PAX1: variants seen among roughly 807,000 people sequenced by gnomAD.
The protein encoded by PAX1 is paired box 1.
A neutral mutation model predicts 35.6 loss-of-function variants in PAX1; 18 were observed. The ratio of observed to expected loss-of-function variants is 0.50; its 90% confidence interval spans 0.35 to 0.75. PAX1 has a LOEUF of 0.75. Among genes scored for constraint, PAX1 ranks in the 30% least tolerant of loss-of-function variants. PAX1 has a pLI of 0.01. For synonymous variants in PAX1, 397 were observed against 305.2 expected (o/e 1.30, Z -3.14); for missense variants, 760 against 661.5 (o/e 1.15, Z -1.63).
rs779633330 is a variant in PAX1, at chr20:21,706,763, C to T, written c.612C>T (p.Gly204=). ...WEIRDRLLAD[G]VCDKYNVPSV... ...TCCGCGACCGGCTGCTGGCCGACGGCGTCTGTGACAAGTACAATGTGCCTT... is the reference window on the plus strand; with the variant it reads ...TCCGCGACCGGCTGCTGGCCGACGGTGTCTGTGACAAGTACAATGTGCCTT... The change falls in exon 2 of 5, where the codon GGC becomes GGT. Residue 204 remains glycine, a synonymous_variant. Coordinates refer to ENST00000613128, the MANE Select transcript of PAX1 (RefSeq NM_001257096.2). The surrounding 1 kb of genome is among the most constrained non-coding windows in gnomAD (Gnocchi z 5.3). 6.2e-7 allele frequency: 1 copy of T among 1,613,414 alleles called. No homozygotes were observed. Among genetic ancestry groups the T allele is most frequent in the Non-Finnish European group, 8.5e-7 (1 of 1,180,038 alleles).
intron 4 of PAX1, among the ~76,000 whole-genome samples, chr20:21,712,442 T>G (rs1256414679): frequency 6.6e-6 from 1 of 152,092 alleles, no homozygotes; most frequent in Non-Finnish European, 1.5e-5. Flanking sequence ...TCCACCCACA[T>G]CCAAATGTCT....
chr20:21,705,887 T>A lies in PAX1; in HGVS notation c.175T>A (p.Cys59Ser). Residue 59 changes from cysteine to serine, a missense_variant, in exon 1 of 5, where the codon TGC (cysteine) becomes AGC (serine). Transcript: ENST00000613128. The stretch of plus-strand genomic sequence containing the variant: ...TCGGCTCTCGGGCGCCCTCCCTCTA[T>A]GCCTCTCACGCGGCGGCGGCGGCGC... ...GSRLSGALPL[C>S]LSRGGGGAQA... is the part of the protein sequence containing the mutation. The A allele has an allele frequency of 1.4e-6, 2 of 1,404,528 alleles. No homozygotes were observed. Among genetic ancestry groups the A allele is most frequent in the Non-Finnish European group, 1.9e-6 (2 of 1,080,126 alleles). The allele number at this position is 1,404,528 out of a possible 1,614,324, so 87.0% of individuals were successfully genotyped here.
In PAX1 at chr20:21,714,990, C is replaced by T; in HGVS notation, c.*428C>T. On this transcript the variant is annotated 3_prime_UTR_variant, in exon 5 of 5. Transcript: ENST00000613128. ...TTCCCTTCCTCCCTACCTTCCACCCCGGCTTTCCCCGACCTTCCAGGGCTC... is the reference window on the plus strand; with the variant it reads ...TTCCCTTCCTCCCTACCTTCCACCCTGGCTTTCCCCGACCTTCCAGGGCTC... 1.5e-6 allele frequency: 1 copy of T among 662,832 alleles called. No homozygotes were observed. The allele number at this position is 662,832 out of a possible 1,614,324, so 41.1% of individuals were successfully genotyped here.
intron 4 of PAX1, 74 bp from the exon 5 acceptor site, chr20:21,714,397 G>A (rs576907222): frequency 8.9e-7 from 1 of 1,122,488 alleles, no homozygotes; most frequent in Non-Finnish European, 1.3e-6. Flanking sequence ...CTCTGCAGGC[G>A]TCCTGAGTCC....
rs200890498 is a variant in PAX1, at chr20:21,708,614, G to C, written c.973G>C (p.Gly325Arg). 2.5e-5 allele frequency: 40 copies of C among 1,613,692 alleles called. No individual in the cohort carries two copies. The highest frequency in any genetic ancestry group is 1.7e-4 in the Middle Eastern group (1 of 6,054). ...CTCTCCCAAGATGGAAGACTGGGCC[G>C]GCGTGAACCGCACGGCCTTCCCCGC... Reference protein sequence around the residue: ...AYSPKMEDWAGVNRTAFPATP... With the variant: ...AYSPKMEDWARVNRTAFPATP... The change falls in exon 3 of 5, where the codon GGC becomes CGC. Residue 325 changes from glycine (G) to arginine (R), a missense_variant. Gly to Arg is a moderately radical substitution (Grantham distance 125). This residue lies in a region of PAX1 where 490 missense variants were observed against 428.4 expected (regional missense o/e 1.14). Coordinates refer to ENST00000613128, the MANE Select transcript of PAX1 (RefSeq NM_001257096.2).
Position 21,706,055 on chromosome 20 carries a change from C to T in PAX1, c.286+57C>T, listed in dbSNP as rs985247548. On this transcript the variant is annotated intron_variant, in intron 1 of 4. Transcript: ENST00000613128. This position sits in a 1 kb window ranked among gnomAD's most constrained non-coding sequence, Gnocchi z 5.3. ...GGGCTGATGAGGTGGGTCGGGTCCG[C>T]CTGCCTCCCTTCCCTCTCGTCCGCT... 25 of 1,340,870 alleles carry T rather than the reference C, an allele frequency of 1.9e-5. No individual in the cohort carries two copies. Among genetic ancestry groups the T allele is most frequent in the African/African-American group, 1.5e-4 (10 of 68,360 alleles). The allele number at this position is 1,340,870 out of a possible 1,614,324, so 83.1% of individuals were successfully genotyped here. A position where few individuals can be genotyped will look rare whatever the true frequency, so the allele number is the denominator to read the frequency against.
Position 21,714,815 on chromosome 20 carries a change from C to T in PAX1, c.*253C>T, listed in dbSNP as rs1334994390. ...AACTTGGGTTTTAGACTGCCGTACCCTCCTCACAATCCTTGCTCTGACGTG... is the reference window on the plus strand; with the variant it reads ...AACTTGGGTTTTAGACTGCCGTACCTTCCTCACAATCCTTGCTCTGACGTG... On this transcript the variant is annotated 3_prime_UTR_variant, in exon 5 of 5. Transcript: ENST00000613128. 4 of 1,595,302 alleles carry T rather than the reference C, an allele frequency of 2.5e-6. No individual in the cohort carries two copies. The highest frequency in any genetic ancestry group is 2.7e-5 in the African/African-American group (2 of 74,844).
chr20:21,714,563 G>T lies in PAX1; in HGVS notation c.*1G>T. On this transcript the variant is annotated 3_prime_UTR_variant, in exon 5 of 5. Transcript: ENST00000613128. ...GCCCATCCCGGCCTCGACCTCCTAG[G>T]GGCAGCTCTCCCCGGACCCGAGCCC... The T allele has an allele frequency of 6.3e-7, 1 of 1,586,768 alleles. No individual in the cohort carries two copies. Among genetic ancestry groups the T allele is most frequent in the East Asian group, 2.3e-5 (1 of 43,392 alleles).
intron 4 of PAX1, among the ~76,000 whole-genome samples, chr20:21,710,654 T>C (rs1333821970): frequency 7.6e-6 from 1 of 131,116 alleles, no homozygotes; most frequent in East Asian, 2.2e-4. Context: ...TATTTCCAAG[T>C]AGTCTTGATA....
At chr20:21,707,194 T>C (rs1985048020) in intron 2 of PAX1, 127 bp downstream of exon 2, 1 of 1,178,420 alleles carries the variant, frequency 8.5e-7, no homozygotes, top group Non-Finnish European at 1.2e-6. Flanking sequence ...GGCTCCACAC[T>C]GGCCAGGGAG....
intron 2 of PAX1, among the ~76,000 whole-genome samples, chr20:21,707,316 G>A (rs1370488109): frequency 3.3e-5 from 5 of 152,170 alleles, no homozygotes; most frequent in African/African-American, 9.7e-5. Flanking sequence ...AAATTTGGAG[G>A]CCTGAAATTG....
At position 21,705,819 on chromosome 20, in the gene PAX1, G is replaced by T; in HGVS notation, c.107G>T (p.Arg36Leu). ...GCGGGCGGCAGCGCGCTCCGCTGCC[G>T]CGCACAGCGCGTCTCCAGCCCGCGG... ...PGAGGSALRC[R>L]AQRVSSPRLG... Residue 36 changes from arginine to leucine, a missense_variant, in exon 1 of 5, where the codon CGC becomes CTC. Around this residue, in one of 3 missense-constraint regions of PAX1, gnomAD observed 222 missense variants for 153.0 expected, o/e 1.45. Transcript: ENST00000613128. 1 of 1,321,802 alleles carries T rather than the reference G, an allele frequency of 7.6e-7. No homozygotes were observed. Among genetic ancestry groups the T allele is most frequent in the Non-Finnish European group, 9.7e-7 (1 of 1,033,996 alleles). 81.9% of individuals were successfully genotyped at this position (1,321,802 alleles called of 1,614,324 possible). A position where few individuals can be genotyped will look rare whatever the true frequency, so the allele number is the denominator to read the frequency against.
chr20:21,710,238 G>A lies in PAX1; in HGVS notation c.1282+794G>A, dbSNP rs1425945898. Among the ~76,000 whole-genome samples, 3 of 152,176 alleles carry A rather than the reference G, an allele frequency of 2.0e-5. No individual in the cohort carries two copies. In the East Asian group the frequency reaches 5.8e-4, roughly 29 times the overall value. On this transcript the variant is annotated intron_variant, in intron 4 of 4. Coordinates refer to ENST00000613128, the MANE Select transcript of PAX1 (RefSeq NM_001257096.2). The stretch of plus-strand genomic sequence containing the variant: ...AGGTATTTCACTGACAGTCAGCAGT[G>A]TGAGGGGGATCTTCTCACACAACCA...
chr20:21,708,571 G>A lies in PAX1; in HGVS notation c.930G>A (p.Gly310=). 1.2e-6 allele frequency: 2 copies of A among 1,613,742 alleles called. No homozygotes were observed. Among genetic ancestry groups the A allele is most frequent in the South Asian group, 1.1e-5 (1 of 91,074 alleles). ...TFMEQTGALA[G]SEGTAYSPKM... ...TCTCTCCTGCAGGGGCCCTGGCTGG[G>A]AGCGAAGGCACCGCTTACTCTCCCA... is the stretch of plus-strand genomic sequence containing the variant. The change falls in exon 3 of 5, where the codon GGG becomes GGA. Residue 310 remains glycine, a synonymous_variant. Coordinates refer to ENST00000613128, the MANE Select transcript of PAX1 (RefSeq NM_001257096.2).
In PAX1 at chr20:21,706,616, C is replaced by A. The variant is rs765104212; in HGVS notation, c.465C>A (p.Asn155Lys). ...GCVSKILARY[N>K]ETGSILPGAI... is the part of the protein sequence containing the mutation. ...TGAGCAAGATCCTGGCGCGCTACAA[C>A]GAGACCGGCTCCATTCTGCCCGGGG... The change falls in exon 2 of 5, where the codon AAC becomes AAA. Residue 155 changes from asparagine (N) to lysine (K), a missense_variant. By Grantham distance (94) the Asn-to-Lys change is moderately conservative. Coordinates refer to ENST00000613128, the MANE Select transcript of PAX1 (RefSeq NM_001257096.2). This position sits in a 1 kb window ranked among gnomAD's most constrained non-coding sequence, Gnocchi z 5.3. The A allele has an allele frequency of 2.5e-6, 4 of 1,612,244 alleles. No individual in the cohort carries two copies. In the South Asian group the frequency reaches 4.4e-5, roughly 18 times the overall value.
At position 21,709,330 on chromosome 20, in the gene PAX1, G is replaced by A; in HGVS notation, c.1168G>A (p.Gly390Ser). 3.1e-6 allele frequency: 5 copies of A among 1,595,166 alleles called. No individual in the cohort carries two copies. Among genetic ancestry groups the A allele is most frequent in the Non-Finnish European group, 4.3e-6 (5 of 1,176,100 alleles). The change falls in exon 4 of 5, where the codon GGC (glycine) becomes AGC (serine). Residue 390 changes from glycine to serine, a missense_variant. This residue lies in a region of PAX1 where 490 missense variants were observed against 428.4 expected (regional missense o/e 1.14). Transcript: ENST00000613128. The part of the protein sequence containing the change: ...SAPGGGYLAP[G>S]PPWPPAQGPP... ...CCCGGGCGGCGGCTACCTCGCCCCG[G>A]GCCCGCCGTGGCCGCCTGCGCAAGG...
chr20:21,708,493 T>C (rs200474248), intron 2 of PAX1, 65 bp from the exon 3 acceptor site: 161 of 1,586,092 alleles, frequency 1.0e-4, no homozygotes, highest in Middle Eastern at 4.4e-4. Context: ...AATTGGGTGG[T>C]TGGCCACACG....
At position 21,717,698 on chromosome 20, in the gene PAX1, TAA is replaced by T. The variant is rs1026893676; in HGVS notation, c.*3137_*3138del. On this transcript the variant is annotated 3_prime_UTR_variant, in exon 5 of 5. Transcript: ENST00000613128. ...GCCTTTCATTTTTTTAATTTAAGAA[TAA>T]GTTTTTTTTAGAAAAATATAGAGAT... The T allele has an allele frequency of 6.6e-6, 1 of 152,104 alleles. No individual in the cohort carries two copies. Among genetic ancestry groups the T allele is most frequent in the Admixed American group, 6.6e-5 (1 of 15,256 alleles). 9.4% of individuals were successfully genotyped at this position (152,104 alleles called of 1,614,324 possible). A position where few individuals can be genotyped will look rare whatever the true frequency, so the allele number is the denominator to read the frequency against.
At chr20:21,712,259 CA>C (rs1414284605) in intron 4 of PAX1, among the ~76,000 whole-genome samples, 5 of 152,116 alleles carry the variant, frequency 3.3e-5, no homozygotes, top group Admixed American at 3.3e-4. Flanking sequence ...TACTATAATT[CA>C]TTTTTTTCTT....
Sources: gnomAD v4.1 joint callset for allele counts (sites outside exome capture counted in the v4.1 genomes callset) on GRCh38, gnomAD v4.1.1 for gene constraint, gnomAD v4.1.1 regional missense constraint, Gnocchi (gnomAD v3.1) non-coding constraint, MANE v1.5 for transcripts, NCBI Gene and HGNC (gene_info 2026-07-23, HGNC 2026-07-21) for gene names.